Variants in SLC7A6 observed in about 807,000 individuals in gnomAD.
The protein encoded by SLC7A6 is Y+L amino acid transporter 2.
A neutral mutation model predicts 46.6 loss-of-function variants in SLC7A6; 29 were observed. The observed-to-expected ratio is 0.62, with a 90% CI of 0.46 to 0.85. The LOEUF (loss-of-function observed/expected upper bound fraction) is 0.85. SLC7A6 is among the 40% of genes least tolerant of loss of function. SLC7A6 has a pLI of 0.00. For missense variants in SLC7A6, 527 were observed against 647.6 expected (o/e 0.81, Z 2.02); for synonymous variants, 276 against 257.3 (o/e 1.07, Z -0.70).
chr16:68,295,156 A>T (rs1597009738), intron 8 of SLC7A6, among the ~76,000 whole-genome samples: 1 of 152,110 alleles, frequency 6.6e-6, no homozygotes, highest in Non-Finnish European at 1.5e-5. Context: ...AATATGTGCC[A>T]ATTATTATTG....
chr16:68,294,802 G>A lies in SLC7A6; in HGVS notation c.1119+1G>A. 3 of 1,609,486 alleles carry A rather than the reference G, an allele frequency of 1.9e-6. No individual in the cohort carries two copies. Among genetic ancestry groups the A allele is most frequent in the East Asian group, 4.5e-5 (2 of 44,866 alleles). ...ACCTATCCCTGCTTTACTGTTCAATGTAAGCTTTGCTGGGACCACGGGGCT... is the reference window on the plus strand; with the variant it reads ...ACCTATCCCTGCTTTACTGTTCAATATAAGCTTTGCTGGGACCACGGGGCT... On this transcript the variant is annotated splice_donor_variant, in intron 8 of 10. Coordinates refer to ENST00000219343, the MANE Select transcript of SLC7A6 (RefSeq NM_003983.6). LOFTEE classifies it high-confidence loss of function.
At position 68,296,591 on chromosome 16, in the gene SLC7A6, C is replaced by T. The variant is rs1024136190; in HGVS notation, c.1270-36C>T. 6 of 1,613,602 alleles carry T rather than the reference C, an allele frequency of 3.7e-6. No individual in the cohort carries two copies. The African/African-American group carries it at 5.3e-5, about 14-fold the overall frequency. On this transcript the variant is annotated intron_variant, in intron 9 of 10. Coordinates refer to ENST00000219343, the MANE Select transcript of SLC7A6 (RefSeq NM_003983.6). ...TCTTGCCCACGAGCTGTTTCCTCTT[C>T]CCACGTTACTTAATCTCTCACCCCC...
rs1410910487 is a variant in SLC7A6, at chr16:68,300,347, C to G, written c.*3019C>G. Reference sequence around the variant, plus strand: ...ACACCAAGGCAGTCAGTTAAGGCAGCTATGGTTTGGAAAGGCATACGGACA... The same window carrying G: ...ACACCAAGGCAGTCAGTTAAGGCAGGTATGGTTTGGAAAGGCATACGGACA... On this transcript the variant is annotated 3_prime_UTR_variant, in exon 11 of 11. Coordinates refer to ENST00000219343, the MANE Select transcript of SLC7A6 (RefSeq NM_003983.6). The G allele has an allele frequency of 6.6e-6, 1 of 152,292 alleles. No homozygotes were observed. Among genetic ancestry groups the G allele is most frequent in the Non-Finnish European group, 1.5e-5 (1 of 68,208 alleles). The allele number at this position is 152,292 out of a possible 1,614,324, so 9.4% of individuals were successfully genotyped here. A position where few individuals can be genotyped will look rare whatever the true frequency, so the allele number is the denominator to read the frequency against.
At chr16:68,281,227 A>G (rs1567587726) in intron 3 of SLC7A6, among the ~76,000 whole-genome samples, 1 of 152,184 alleles carries the variant, frequency 6.6e-6, no homozygotes, top group African/African-American at 2.4e-5. Flanking sequence ...AGGAGATCCA[A>G]GCAGCTTTTT....
At position 68,300,831 on chromosome 16, in the gene SLC7A6, G is replaced by C; in HGVS notation, c.*3503G>C. 1.0e-6 allele frequency: 1 copy of C among 986,540 alleles called. No individual in the cohort carries two copies. Among genetic ancestry groups the C allele is most frequent in the Non-Finnish European group, 1.2e-6 (1 of 830,750 alleles). 61.1% of individuals were successfully genotyped at this position (986,540 alleles called of 1,614,324 possible). ...TCTGTATTGCTACAAGGGACCCACTGGTACCCCTTTTAGATTCTATCAAAA... is the reference window on the plus strand; with the variant it reads ...TCTGTATTGCTACAAGGGACCCACTCGTACCCCTTTTAGATTCTATCAAAA... On this transcript the variant is annotated 3_prime_UTR_variant, in exon 11 of 11. Transcript: ENST00000219343.
chr16:68,278,177 G>C (rs2042752339), intron 3 of SLC7A6, among the ~76,000 whole-genome samples: 1 of 151,160 alleles, frequency 6.6e-6, no homozygotes. Flanking sequence ...GGATGGTCTT[G>C]ATCTCTTGAC....
chr16:68,290,378 C>T lies in SLC7A6; in HGVS notation c.650-18C>T, dbSNP rs754845496. 6.2e-7 allele frequency: 1 copy of T among 1,613,722 alleles called. No individual in the cohort carries two copies. The highest frequency in any genetic ancestry group is 2.2e-5 in the East Asian group (1 of 44,876). ...TGTTCCTTCTCTCTGAACCCCTCAC[C>T]TGCCTTTGCCCCCACAGGACACTCT... On this transcript the variant is annotated intron_variant, in intron 4 of 10. Transcript: ENST00000219343.
intron 3 of SLC7A6, among the ~76,000 whole-genome samples, chr16:68,280,731 C>T (rs920263564): frequency 6.0e-5 from 9 of 150,038 alleles, no homozygotes; most frequent in Non-Finnish European, 1.2e-4. Flanking sequence ...CTGTGGAGGG[C>T]TCTGGCTCCT....
rs554978602 is a variant in SLC7A6 at position 68,291,764 on chromosome 16, T to G, written c.1022+103T>G. ...CCCTCCTTCTCATGGGCATATAGGG[T>G]GTGTGTGTGTGTGTGTGTGTGTGTG... is the stretch of plus-strand genomic sequence containing the variant. On this transcript the variant is annotated intron_variant, in intron 7 of 10. Transcript: ENST00000219343. 1,013 of 397,738 alleles carry G rather than the reference T, an allele frequency of 2.5e-3. 6 individuals are homozygous for G. The highest frequency in any genetic ancestry group is 6.4e-3 in the Middle Eastern group (11 of 1,722). 24.6% of individuals were successfully genotyped at this position (397,738 alleles called of 1,614,324 possible).
intron 4 of SLC7A6, among the ~76,000 whole-genome samples, chr16:68,288,916 A>G (rs1319052710): frequency 2.2e-5 from 2 of 91,356 alleles, no homozygotes; most frequent in Non-Finnish European, 4.2e-5. Context: ...GTAAGCCGAG[A>G]TTGTGCCACT....
Position 68,296,496 on chromosome 16 carries a change from C to T in SLC7A6, c.1252C>T (p.Arg418Trp), listed in dbSNP as rs537904936. Residue 418 changes from arginine to tryptophan, a missense_variant, in exon 9 of 11, where the codon CGG (arginine) becomes TGG (tryptophan). Physicochemically the swap from Arg to Trp is moderately radical, Grantham distance 101. Transcript: ENST00000219343. ...QLYLRWKEPK[R>W]PRPLKLSVFF... ...CTACCTCCGCTGGAAGGAGCCCAAGCGGCCCCGGCCTCTCAAGGTCAGCAG... is the reference window on the plus strand; with the variant it reads ...CTACCTCCGCTGGAAGGAGCCCAAGTGGCCCCGGCCTCTCAAGGTCAGCAG... The T allele has an allele frequency of 4.3e-5, 69 of 1,614,160 alleles. No individual in the cohort carries two copies. Among genetic ancestry groups the T allele is most frequent in the South Asian group, 1.1e-4 (10 of 91,078 alleles).
At position 68,287,730 on chromosome 16, in the gene SLC7A6, G is replaced by T. The variant is rs769493321; in HGVS notation, c.524-16G>T. 8 of 1,610,122 alleles carry T rather than the reference G, an allele frequency of 5.0e-6. No homozygotes were observed. The Admixed American group carries it at 6.7e-5, about 13-fold the overall frequency. The stretch of plus-strand genomic sequence containing the variant: ...TCAACTCAAGCCTGCCAGTGACTTT[G>T]TGGTTTTCCTCCTAGGTCTGCTGAC... On this transcript the variant is annotated splice_polypyrimidine_tract_variant and intron_variant, in intron 3 of 10. Transcript: ENST00000219343.
intron 7 of SLC7A6, among the ~76,000 whole-genome samples, chr16:68,294,218 G>A (rs1180879484): frequency 1.3e-5 from 2 of 152,176 alleles, no homozygotes; most frequent in African/African-American, 2.4e-5. Flanking sequence ...TTTCCCAGTC[G>A]GTAGAGCTCT....
intron 4 of SLC7A6, among the ~76,000 whole-genome samples, chr16:68,289,389 G>A (rs2043002956): frequency 6.6e-6 from 1 of 152,202 alleles, no homozygotes; most frequent in Admixed American, 6.5e-5. Flanking sequence ...AGTAGAGCTA[G>A]CCATGTGGAT....
At chr16:68,292,631 G>A (rs769829437) in intron 7 of SLC7A6, 2 of 152,218 alleles carry the variant, frequency 1.3e-5, no homozygotes, top group Non-Finnish European at 2.9e-5. Flanking sequence ...CCGAGTAGCT[G>A]GGATTAAAGG....
chr16:68,288,005 G>A, intron 4 of SLC7A6, 134 bp downstream of exon 4: 1 of 1,322,334 alleles, frequency 7.6e-7, no homozygotes, highest in Non-Finnish European at 1.0e-6. Flanking sequence ...CAAGAGATGG[G>A]AGTAGATTTC....
intron 7 of SLC7A6, 138 bp downstream of exon 7, chr16:68,291,799 G>T: frequency 1.4e-6 from 1 of 698,582 alleles, no homozygotes; most frequent in Non-Finnish European, 2.4e-6. Context: ...GTGTGTGTGT[G>T]TTTGGTATGT....
At chr16:68,294,373 G>T (rs1340345615) in intron 7 of SLC7A6, among the ~76,000 whole-genome samples, 1 of 152,204 alleles carries the variant, frequency 6.6e-6, no homozygotes, top group Non-Finnish European at 1.5e-5. Flanking sequence ...GGCATGGATT[G>T]GGTGAGTCTG....
intron 3 of SLC7A6, among the ~76,000 whole-genome samples, chr16:68,276,977 G>A (rs769741218): frequency 1.1e-4 from 16 of 151,494 alleles, no homozygotes; most frequent in Non-Finnish European, 1.9e-4. Context: ...CCTGGGTAAC[G>A]GAGCAAGACC....
Sources: gnomAD v4.1 joint callset for allele counts (sites outside exome capture counted in the v4.1 genomes callset) on GRCh38, gnomAD v4.1.1 for gene constraint, MANE v1.5 for transcripts, NCBI Gene and HGNC (gene_info 2026-07-23, HGNC 2026-07-21) for gene names.